The following CDH11 variants were observed in gnomAD, a reference collection of about 807,000 sequenced individuals.
The protein encoded by CDH11 is cadherin 11.
In CDH11, 11 loss-of-function variants were observed where a neutral mutation model predicts 67.8. The ratio of observed to expected loss-of-function variants is 0.16; its 90% CI spans 0.10 to 0.27. CDH11 has a LOEUF of 0.27. Among genes scored for constraint, CDH11 ranks in the 10% least tolerant of loss-of-function variants. The pLI is 1.00. For synonymous variants in CDH11, 419 were observed against 400.0 expected, an observed-to-expected ratio of 1.05 and a Z score of -0.57; for missense variants, 847 against 1,031.2, an observed-to-expected ratio of 0.82 and a Z score of 2.45.
intron 2 of CDH11, among the ~76,000 whole-genome samples, chr16:65,013,490 G>T (rs1040929662): frequency 1.3e-5 from 2 of 152,032 alleles, no homozygotes; most frequent in Non-Finnish European, 2.9e-5. Context: ...CACTAGAGGT[G>T]GAAATCAGCC....
At chr16:65,114,022 G>C (rs950098067) in intron 1 of CDH11, among the ~76,000 whole-genome samples, 1 of 152,144 alleles carries the variant, frequency 6.6e-6, no homozygotes, top group Non-Finnish European at 1.5e-5. Context: ...AAAAAGTGAA[G>C]GGGGGTCAAA....
In CDH11 at chr16:64,991,822, T is replaced by C; in HGVS notation, c.757A>G (p.Lys253Glu). The C allele has an allele frequency of 6.2e-7, 1 of 1,614,030 alleles. No homozygotes were observed. Residue 253 changes from lysine (K) to glutamate (E), a missense_variant, in exon 6 of 13, where the codon AAA becomes GAA. By Grantham distance (56) the Lys-to-Glu change is moderately conservative (BLOSUM62 1). Transcript: ENST00000268603. ...GHMGGLSGTT[K>E]VTITLTDVND... Reference sequence around the variant, plus strand: ...ACATCGGTCAGTGTGATCGTCACTTTGGTTGTCCCTGAGAGTCCGCCCATA... The same window carrying C: ...ACATCGGTCAGTGTGATCGTCACTTCGGTTGTCCCTGAGAGTCCGCCCATA...
chr16:64,951,012 G>A lies in CDH11; in HGVS notation c.1649C>T (p.Thr550Ile), dbSNP rs556854549. Reference sequence around the variant, plus strand: ...TCCACGCCGGGCGTACACGCCTGCTGTGTTATCTGCAGAAAGAGGGGAGAC... The same window carrying A: ...TCCACGCCGGGCGTACACGCCTGCTATGTTATCTGCAGAAAGAGGGGAGAC... ...NFTVRDNRDN[T>I]AGVYARRGGF... The change falls in exon 12 of 13, where the codon ACA becomes ATA. Residue 550 changes from threonine (T) to isoleucine (I), a missense_variant. Transcript: ENST00000268603. The A allele has an allele frequency of 2.5e-6, 4 of 1,612,646 alleles. No individual in the cohort carries two copies. The highest frequency in any genetic ancestry group is 2.5e-6 in the Non-Finnish European group (3 of 1,179,116).
At chr16:65,030,635 G>A (rs190765723) in intron 2 of CDH11, among the ~76,000 whole-genome samples, 14 of 152,226 alleles carry the variant, frequency 9.2e-5, no homozygotes, top group African/African-American at 2.2e-4. Flanking sequence ...GAGTGGGGCC[G>A]TTTCGGCTCA....
intron 1 of CDH11, among the ~76,000 whole-genome samples, chr16:65,096,734 T>C (rs879688437): frequency 2.0e-5 from 3 of 151,912 alleles, no homozygotes; most frequent in African/African-American, 4.8e-5. Flanking sequence ...TCCTGTTGGT[T>C]CTGTTCCCCT....
At chr16:65,004,589 G>A (rs560176154) in intron 3 of CDH11, 53 bp downstream of exon 3, 24 of 1,552,532 alleles carry the variant, frequency 1.5e-5, no homozygotes, top group South Asian at 6.0e-5. Context: ...GGCCACAGAC[G>A]ACTATTCCAA....
chr16:65,078,375 G>C (rs943261719), intron 1 of CDH11, among the ~76,000 whole-genome samples: 3 of 152,132 alleles, frequency 2.0e-5, no homozygotes, highest in African/African-American at 7.2e-5. Flanking sequence ...TCGTGCTTCT[G>C]GTGGCATCAG....
At chr16:65,098,940 G>A (rs894874144) in intron 1 of CDH11, among the ~76,000 whole-genome samples, 1 of 152,242 alleles carries the variant, frequency 6.6e-6, no homozygotes, top group African/African-American at 2.4e-5. Context: ...AATGACCTTT[G>A]AGGTCACTTT....
In CDH11 at chr16:65,113,064, G is replaced by A. The variant is rs1383922903; in HGVS notation, c.-298+8816C>T. On this transcript the variant is annotated intron_variant, in intron 1 of 12. Transcript: ENST00000268603. ...GCACTTTGGGAAGCTGAGGCGGGCA[G>A]ATCATAAGGTCAGAATTTCGAGATA... 3.3e-5 allele frequency among the ~76,000 whole-genome samples: 5 copies of A among 152,262 alleles called. No homozygotes were observed. The East Asian group carries it at 9.7e-4, about 29-fold the overall frequency.
chr16:64,968,590 T>C, intron 11 of CDH11: 2 of 982,540 alleles, frequency 2.0e-6, no homozygotes, highest in Non-Finnish European at 2.4e-6. Flanking sequence ...CGGAATAAGA[T>C]AAAATGAAAT....
intron 4 of CDH11, among the ~76,000 whole-genome samples, chr16:64,993,745 A>G (rs2072691486): frequency 6.6e-6 from 1 of 152,168 alleles, no homozygotes; most frequent in African/African-American, 2.4e-5. Context: ...TCCTAAAAAC[A>G]ACCTTTGTTC....
chr16:64,968,027 T>C (rs964383141), intron 11 of CDH11, among the ~76,000 whole-genome samples: 1 of 152,190 alleles, frequency 6.6e-6, no homozygotes, highest in Non-Finnish European at 1.5e-5. Flanking sequence ...TTATTGACAA[T>C]AGGATAAACA....
chr16:65,063,052 G>A (rs1334454874), intron 1 of CDH11, among the ~76,000 whole-genome samples: 2 of 152,182 alleles, frequency 1.3e-5, no homozygotes, highest in Non-Finnish European at 2.9e-5. Context: ...CTTTATTGGT[G>A]GAAGAACATT....
intron 1 of CDH11, among the ~76,000 whole-genome samples, chr16:65,120,302 A>G (rs2075303916): frequency 6.6e-6 from 1 of 152,128 alleles, no homozygotes; most frequent in Non-Finnish European, 1.5e-5. Context: ...CTGAGAACAC[A>G]TCTGCATCCC....
intron 2 of CDH11, among the ~76,000 whole-genome samples, chr16:65,005,391 C>G (rs2073030424): frequency 6.6e-6 from 1 of 152,182 alleles, no homozygotes; most frequent in Admixed American, 6.5e-5. Context: ...AGATGAGGAA[C>G]ATATAATCCA....
At chr16:64,972,687 G>T (rs977378781) in intron 9 of CDH11, among the ~76,000 whole-genome samples, 3 of 152,128 alleles carry the variant, frequency 2.0e-5, no homozygotes, top group African/African-American at 7.2e-5. Context: ...TGGCTCTCTT[G>T]CCAAGTCTAT....
rs527381346 is a variant in CDH11 at position 65,121,236 on chromosome 16, A to G, written c.-298+644T>C. 2.0e-5 allele frequency among the ~76,000 whole-genome samples: 3 copies of G among 152,294 alleles called. No individual in the cohort carries two copies. The highest frequency in any genetic ancestry group is 2.1e-4 in the South Asian group (1 of 4,824). ...GCAGAGACTCGGGCTGGAGGGCTGTAGCGCACCGCAGCCTGCTGCCCCAGA... is the reference window on the plus strand; with the variant it reads ...GCAGAGACTCGGGCTGGAGGGCTGTGGCGCACCGCAGCCTGCTGCCCCAGA... On this transcript the variant is annotated intron_variant, in intron 1 of 12. Transcript: ENST00000268603. The surrounding 1 kb of genome is among the most constrained non-coding windows in gnomAD (Gnocchi z 4.1).
chr16:65,070,355 CTA>C (rs1270687669), intron 1 of CDH11, among the ~76,000 whole-genome samples: 1 of 152,138 alleles, frequency 6.6e-6, no homozygotes, highest in Non-Finnish European at 1.5e-5. Flanking sequence ...GAGCTGGTGA[CTA>C]TAATCTCCAT....
chr16:65,108,236 G>A (rs933427459), intron 1 of CDH11, among the ~76,000 whole-genome samples: 12 of 152,238 alleles, frequency 7.9e-5, no homozygotes, highest in Non-Finnish European at 1.0e-4. Flanking sequence ...CTCAGGCTGC[G>A]TTAGTCTCCT....
Sources: allele counts gnomAD v4.1 joint callset (sites outside exome capture counted in the v4.1 genomes callset), GRCh38; gene constraint gnomAD v4.1.1; non-coding constraint Gnocchi (gnomAD v3.1); transcripts MANE v1.5; gene names NCBI Gene and HGNC (gene_info 2026-07-23, HGNC 2026-07-21).